The following GRM1 variants were observed in gnomAD, a reference collection of about 807,000 sequenced individuals.
GRM1 encodes metabotropic glutamate receptor 1.
In GRM1, 33 loss-of-function variants were observed where a neutral mutation model predicts 90.9. The observed-to-expected ratio is 0.36, with a 90% CI of 0.28 to 0.49. GRM1 has a LOEUF of 0.49. Among genes scored for constraint, GRM1 ranks in the 20% least tolerant of loss-of-function variants. GRM1 has a pLI of 0.99. For missense variants in GRM1, 1,190 were observed against 1,534.3 expected, an observed-to-expected ratio of 0.78 and a Z score of 3.75; for synonymous variants, 700 against 613.2, an observed-to-expected ratio of 1.14 and a Z score of -2.09.
At chr6:146,357,893 G>T (rs1785651021) in intron 5 of GRM1, among the ~76,000 whole-genome samples, 199 bp downstream of exon 5, 2 of 152,172 alleles carry the variant, frequency 1.3e-5, no homozygotes, top group Admixed American at 1.3e-4. Flanking sequence ...TAGAATATTT[G>T]CATAGTCTTT....
intron 1 of GRM1, among the ~76,000 whole-genome samples, chr6:146,055,082 A>G (rs1315213948): frequency 6.6e-6 from 1 of 152,118 alleles, no homozygotes; most frequent in East Asian, 1.9e-4. Flanking sequence ...ATACTGTGTT[A>G]CGGGCAATTA....
intron 5 of GRM1, among the ~76,000 whole-genome samples, chr6:146,377,502 C>A (rs1004731946): frequency 5.3e-5 from 8 of 152,098 alleles, no homozygotes; most frequent in Admixed American, 2.0e-4. Flanking sequence ...TTGAGAGAGA[C>A]AACTTAGGGT....
At chr6:146,236,426 G>A (rs977738469) in intron 2 of GRM1, among the ~76,000 whole-genome samples, 3 of 151,996 alleles carry the variant, frequency 2.0e-5, no homozygotes, top group Admixed American at 6.6e-5. Context: ...AGAAGTGTTC[G>A]TTCTACATTT....
chr6:146,269,186 A>C (rs1434273221), intron 2 of GRM1, among the ~76,000 whole-genome samples: 1 of 152,236 alleles, frequency 6.6e-6, no homozygotes, highest in Non-Finnish European at 1.5e-5. Flanking sequence ...TAAGTAAATG[A>C]TAGCATTATA....
intron 4 of GRM1, among the ~76,000 whole-genome samples, chr6:146,357,116 T>C (rs754940574): frequency 6.6e-6 from 1 of 152,144 alleles, no homozygotes; most frequent in Non-Finnish European, 1.5e-5. Flanking sequence ...TCCCTTTTAA[T>C]ACAGTGTAAT....
At chr6:146,266,400 A>G (rs931577634) in intron 2 of GRM1, among the ~76,000 whole-genome samples, 5 of 152,054 alleles carry the variant, frequency 3.3e-5, no homozygotes, top group Admixed American at 2.0e-4. Flanking sequence ...TCATTCTTCT[A>G]TTCATTTTTT....
intron 2 of GRM1, among the ~76,000 whole-genome samples, chr6:146,298,958 A>G (rs778648032): frequency 6.6e-6 from 1 of 152,230 alleles, no homozygotes; most frequent in Admixed American, 6.5e-5. Flanking sequence ...CTTTCTTCTG[A>G]TTAACGTAAA....
intron 2 of GRM1, among the ~76,000 whole-genome samples, chr6:146,200,112 A>G (rs1020005209): frequency 6.6e-6 from 1 of 152,192 alleles, no homozygotes; most frequent in African/African-American, 2.4e-5. Context: ...GAACTAAACT[A>G]AAATTTTCCT....
chr6:146,113,212 G>A (rs1226028141), intron 1 of GRM1, among the ~76,000 whole-genome samples: 3 of 152,110 alleles, frequency 2.0e-5, no homozygotes, highest in South Asian at 2.1e-4. Flanking sequence ...GCATGTCCTC[G>A]TGTTTCCTCT....
At chr6:146,205,244 C>T (rs1433381538) in intron 2 of GRM1, among the ~76,000 whole-genome samples, 1 of 152,130 alleles carries the variant, frequency 6.6e-6, no homozygotes, top group East Asian at 1.9e-4. Flanking sequence ...TTCCACAAAG[C>T]TAATTTCTTT....
chr6:146,127,414 T>C (rs919498972), intron 1 of GRM1, among the ~76,000 whole-genome samples: 4 of 152,126 alleles, frequency 2.6e-5, no homozygotes, highest in Non-Finnish European at 5.9e-5. Flanking sequence ...GAAATAGAAG[T>C]GCCCATCTCA....
chr6:146,164,059 G>A (rs1226468194), intron 2 of GRM1, among the ~76,000 whole-genome samples: 1 of 148,800 alleles, frequency 6.7e-6, no homozygotes, highest in Non-Finnish European at 1.5e-5. Flanking sequence ...ATAGTTAACT[G>A]ATGGATCTGT....
chr6:146,193,588 A>C (rs1779004689), intron 2 of GRM1, among the ~76,000 whole-genome samples: 1 of 152,168 alleles, frequency 6.6e-6, no homozygotes, highest in Admixed American at 6.5e-5. Context: ...GCACACAAGC[A>C]CCATTTTGGT....
chr6:146,030,837 AT>A (rs1274309287), intron 1 of GRM1, among the ~76,000 whole-genome samples: 1 of 152,086 alleles, frequency 6.6e-6, no homozygotes, highest in East Asian at 1.9e-4. Flanking sequence ...TAAATAATGT[AT>A]TTTCTTCTTA....
chr6:146,118,480 CACAACGTGCAGGGTTGTT>C (rs1476146742), intron 1 of GRM1, among the ~76,000 whole-genome samples: 2 of 152,262 alleles, frequency 1.3e-5, no homozygotes, highest in African/African-American at 4.8e-5. Context: ...AGTACATGTG[CACAACGTGCAGGGTTGTT>C]ACATACGTAT....
At chr6:146,262,821 A>G (rs745527619) in intron 2 of GRM1, among the ~76,000 whole-genome samples, 2 of 151,872 alleles carry the variant, frequency 1.3e-5, no homozygotes, top group Non-Finnish European at 2.9e-5. Context: ...AAATGTTTAA[A>G]CCCCAAATTT....
chr6:146,101,050 G>A (rs528982719), intron 1 of GRM1, among the ~76,000 whole-genome samples: 12 of 152,190 alleles, frequency 7.9e-5, no homozygotes, highest in South Asian at 2.1e-4. Flanking sequence ...CTATGATTAC[G>A]CCACTGCCTT....
chr6:146,117,024 A>G (rs1481040417), intron 1 of GRM1, among the ~76,000 whole-genome samples: 1 of 151,462 alleles, frequency 6.6e-6, no homozygotes, highest in Non-Finnish European at 1.5e-5. Context: ...CAATATTTTT[A>G]ATTTTTTAAA....
intron 2 of GRM1, among the ~76,000 whole-genome samples, chr6:146,267,095 G>A (rs925005855): frequency 6.6e-6 from 1 of 152,118 alleles, no homozygotes; most frequent in African/African-American, 2.4e-5. Flanking sequence ...GTGTCCATGT[G>A]TTTTTATCAC....
Sources: gnomAD v4.1 joint callset for allele counts (sites outside exome capture counted in the v4.1 genomes callset) on GRCh38, gnomAD v4.1.1 for gene constraint, MANE v1.5 for transcripts, NCBI Gene and HGNC (gene_info 2026-07-23, HGNC 2026-07-21) for gene names.